CDH13: variants seen among roughly 807,000 people sequenced by gnomAD.
CDH13 encodes the protein cadherin-13.
CDH13 carries 24 observed loss-of-function variants against 63.8 expected under a neutral mutation model. That is an observed-to-expected ratio of 0.38 (90% CI 0.27 to 0.53). The LOEUF (loss-of-function observed/expected upper bound fraction) is 0.53, where lower values mean the gene tolerates loss of function less well. CDH13 is among the 20% of genes least tolerant of loss of function. The pLI, the probability that CDH13 is intolerant of heterozygous loss-of-function variation, is 0.85. For missense variants in CDH13, 1,049 were observed against 903.1 expected, an observed-to-expected ratio of 1.16 and a Z score of -2.07; for synonymous variants, 503 against 355.3, an observed-to-expected ratio of 1.42 and a Z score of -4.67.
rs1177148468 is a variant in CDH13, at chr16:83,325,216, A to G, written c.637-19646A>G. ...GAAATCTTAAGACTATTTTTTAATT[A>G]TTACAAACCAAAAGTCTCACACTGA... On this transcript the variant is annotated intron_variant, in intron 5 of 13. Coordinates refer to ENST00000567109, the MANE Select transcript of CDH13 (RefSeq NM_001257.5). Among the ~76,000 whole-genome samples the G allele has an allele frequency of 2.6e-5, 4 of 152,198 alleles. No individual in the cohort carries two copies. In the South Asian group the frequency reaches 6.2e-4, roughly 24 times the overall value.
At chr16:82,748,176 G>T (rs2034260900) in intron 1 of CDH13, among the ~76,000 whole-genome samples, 1 of 152,160 alleles carries the variant, frequency 6.6e-6, no homozygotes, top group Admixed American at 6.5e-5. Flanking sequence ...CTCTGCCAAA[G>T]CCCTGGCCAC....
Position 83,047,627 on chromosome 16 carries a change from T to C in CDH13, c.366+15409T>C, listed in dbSNP as rs1206613019. Reference sequence around the variant, plus strand: ...ATAAATAAAATAATATGCTCCATAATGGCAGAGATTTGACTGACTTGTTCG... The same window carrying C: ...ATAAATAAAATAATATGCTCCATAACGGCAGAGATTTGACTGACTTGTTCG... On this transcript the variant is annotated intron_variant, in intron 3 of 13. Transcript: ENST00000567109. This position sits in a 1 kb window ranked among gnomAD's most constrained non-coding sequence, Gnocchi z 4.9. Among the ~76,000 whole-genome samples the C allele has an allele frequency of 6.6e-6, 1 of 152,242 alleles. No individual in the cohort carries two copies. Among genetic ancestry groups the C allele is most frequent in the Non-Finnish European group, 1.5e-5 (1 of 68,044 alleles).
At chr16:83,351,355 A>G (rs1056981897) in intron 6 of CDH13, among the ~76,000 whole-genome samples, 3 of 151,866 alleles carry the variant, frequency 2.0e-5, no homozygotes, top group African/African-American at 7.3e-5. Context: ...TTTCAAGTGA[A>G]AGAAAATGCA....
chr16:83,321,416 C>T (rs1490976392), intron 5 of CDH13, among the ~76,000 whole-genome samples: 2 of 151,358 alleles, frequency 1.3e-5, no homozygotes, highest in Non-Finnish European at 2.9e-5. Context: ...GGCGCGGCCT[C>T]TATGTTAACT....
intron 3 of CDH13, among the ~76,000 whole-genome samples, chr16:83,076,132 T>G (rs1463254644): frequency 2.0e-5 from 3 of 152,168 alleles, no homozygotes; most frequent in African/African-American, 7.2e-5. Context: ...TGAGCTATGA[T>G]GAGACCAAGT....
intron 1 of CDH13, among the ~76,000 whole-genome samples, chr16:82,810,561 C>T (rs1429349191): frequency 6.6e-6 from 1 of 152,114 alleles, no homozygotes; most frequent in African/African-American, 2.4e-5. Context: ...GTGTAAGTAG[C>T]GTGGCCGTGG....
At chr16:83,523,991 C>T (rs1017980553) in intron 7 of CDH13, among the ~76,000 whole-genome samples, 5 of 152,210 alleles carry the variant, frequency 3.3e-5, no homozygotes, top group Non-Finnish European at 5.9e-5. Context: ...TTGCACCTCT[C>T]AACCAAGATT....
Position 83,138,868 on chromosome 16 carries a change from A to C in CDH13, c.483+13367A>C, listed in dbSNP as rs1193471378. Reference sequence around the variant, plus strand: ...GAGGCAGAAGGACTGGAAAGAGGGCACAGTGAAGGGCCATGGTGGGGGATA... The same window carrying C: ...GAGGCAGAAGGACTGGAAAGAGGGCCCAGTGAAGGGCCATGGTGGGGGATA... On this transcript the variant is annotated intron_variant, in intron 4 of 13. Coordinates refer to ENST00000567109, the MANE Select transcript of CDH13 (RefSeq NM_001257.5). Among the ~76,000 whole-genome samples the C allele has an allele frequency of 2.0e-5, 3 of 152,162 alleles. No individual in the cohort carries two copies. The East Asian group carries it at 5.8e-4, about 29-fold the overall frequency.
At position 82,842,149 on chromosome 16, in the gene CDH13, T is replaced by TAC. The variant is rs1336608956; in HGVS notation, c.46-16212_46-16211insCA. 2.7e-3 allele frequency among the ~76,000 whole-genome samples: 103 copies of TAC among 37,590 alleles called. 1 individual carries two copies. The highest frequency in any genetic ancestry group is 2.8e-3 in the Non-Finnish European group (47 of 16,678). 24.7% of individuals were successfully genotyped at this position (37,590 alleles called of 152,430 possible). A position where few individuals can be genotyped will look rare whatever the true frequency, so the allele number is the denominator to read the frequency against. ...ATATATATATATATACACATATATA[T>TAC]ATATATATATATATACACACACACA... is the stretch of plus-strand genomic sequence containing the variant. On this transcript the variant is annotated intron_variant, in intron 1 of 13. Transcript: ENST00000567109.
intron 6 of CDH13, among the ~76,000 whole-genome samples, chr16:83,449,018 C>T (rs2072799686): frequency 6.6e-6 from 1 of 152,146 alleles, no homozygotes; most frequent in South Asian, 2.1e-4. Flanking sequence ...GCCTGGCAAT[C>T]CTCAACAAAA....
chr16:83,187,686 C>T (rs1316483175), intron 4 of CDH13, among the ~76,000 whole-genome samples: 1 of 152,246 alleles, frequency 6.6e-6, no homozygotes, highest in East Asian at 1.9e-4. Context: ...ATGATGAGGA[C>T]TGCTGTAAAT....
chr16:82,714,980 G>A (rs866470516), intron 1 of CDH13, among the ~76,000 whole-genome samples: 1 of 132,062 alleles, frequency 7.6e-6, no homozygotes, highest in African/African-American at 2.7e-5. Flanking sequence ...GCCAGTGTGT[G>A]ATACTTTGTT....
At chr16:83,349,773 G>A (rs1443090463) in intron 6 of CDH13, among the ~76,000 whole-genome samples, 2 of 151,978 alleles carry the variant, frequency 1.3e-5, no homozygotes, top group African/African-American at 2.4e-5. Flanking sequence ...GCTAATTTTT[G>A]TATTTTTAGT....
In CDH13 at chr16:82,644,135, T is replaced by G. The variant is rs553098469; in HGVS notation, c.45+16998T>G. Among the ~76,000 whole-genome samples the G allele has an allele frequency of 6.6e-6, 1 of 152,160 alleles. No homozygotes were observed. On this transcript the variant is annotated intron_variant, in intron 1 of 13. Coordinates refer to ENST00000567109, the MANE Select transcript of CDH13 (RefSeq NM_001257.5). The surrounding 1 kb of genome is among the most constrained non-coding windows in gnomAD (Gnocchi z 5.7). ...CTAATTGTCATTGTACTCAAGTTGA[T>G]AGCAGATTGCTGAAGGATTTAGGAT...
At chr16:82,890,359 C>G (rs1196601610) in intron 2 of CDH13, among the ~76,000 whole-genome samples, 2 of 152,170 alleles carry the variant, frequency 1.3e-5, no homozygotes, top group Non-Finnish European at 2.9e-5. Context: ...AGTTTGATCA[C>G]TCACCACCAT....
At position 83,796,586 on chromosome 16, in the gene CDH13, G is replaced by A. The variant is rs1486283346; in HGVS notation, c.*1556G>A. ...TTTTCCATTAAAATAAATGGGTATT[G>A]GTGGTTAAAACTGCTGGACAGTAAC... On this transcript the variant is annotated 3_prime_UTR_variant, in exon 14 of 14. Coordinates refer to ENST00000567109, the MANE Select transcript of CDH13 (RefSeq NM_001257.5). 1 of 152,086 alleles carries A rather than the reference G, an allele frequency of 6.6e-6. No individual in the cohort carries two copies. The highest frequency in any genetic ancestry group is 2.4e-5 in the African/African-American group (1 of 41,390). 9.4% of individuals were successfully genotyped at this position (152,086 alleles called of 1,614,324 possible). A position where few individuals can be genotyped will look rare whatever the true frequency, so the allele number is the denominator to read the frequency against.
chr16:83,035,461 C>G (rs552054358), intron 3 of CDH13, among the ~76,000 whole-genome samples: 36 of 152,332 alleles, frequency 2.4e-4, no homozygotes, highest in African/African-American at 8.2e-4. Context: ...TCCTTAGCAA[C>G]TGGAGGCAGA....
intron 10 of CDH13, among the ~76,000 whole-genome samples, chr16:83,727,348 C>A (rs7199442): frequency 0.56 from 85,622 of 151,720 alleles, 25,027 homozygotes; most frequent in African/African-American, 0.72. Flanking sequence ...GTTTAGAGAA[C>A]AGACACATTC....
chr16:82,891,813 C>T (rs544400939), intron 2 of CDH13, among the ~76,000 whole-genome samples: 10 of 152,192 alleles, frequency 6.6e-5, no homozygotes, highest in Non-Finnish European at 8.8e-5. Context: ...ATACCAGGCC[C>T]TTATCATGGG....
Sources: allele counts gnomAD v4.1 joint callset (sites outside exome capture counted in the v4.1 genomes callset), GRCh38; gene constraint gnomAD v4.1.1; non-coding constraint Gnocchi (gnomAD v3.1); transcripts MANE v1.5; gene names NCBI Gene and HGNC (gene_info 2026-07-23, HGNC 2026-07-21).